The following SLC22A12 variants were observed in gnomAD, a reference collection of about 807,000 sequenced individuals.
The protein encoded by SLC22A12 is organic anion transporter 4-like protein.
Under a neutral mutation model 52.7 loss-of-function variants are expected in SLC22A12, and 56 were observed. The ratio of observed to expected loss-of-function variants is 1.06; its 90% CI spans 0.86 to 1.33. The LOEUF (loss-of-function observed/expected upper bound fraction) is 1.33. SLC22A12 is among the 40% of genes most tolerant of loss of function. The pLI is 0.00. For missense variants in SLC22A12, 683 were observed against 741.5 expected (o/e 0.92, Z 0.92); for synonymous variants, 337 against 324.6 (o/e 1.04, Z -0.41).
rs1165347774 is a variant in SLC22A12 at position 64,599,969 on chromosome 11, G to A, written c.1285+79G>A. The stretch of plus-strand genomic sequence containing the variant: ...GCTGGGAACAGCACCCCTCCTTGGA[G>A]GTGCTGGACTAGAGCAGGTACCCTG... On this transcript the variant is annotated intron_variant, in intron 7 of 9. Transcript: ENST00000377574. 6 of 1,508,554 alleles carry A rather than the reference G, an allele frequency of 4.0e-6. No individual in the cohort carries two copies. The African/African-American group carries it at 5.5e-5, about 14-fold the overall frequency. 93.4% of individuals were successfully genotyped at this position (1,508,554 alleles called of 1,614,324 possible).
chr11:64,597,690 C>T (rs1321966312), intron 4 of SLC22A12, among the ~76,000 whole-genome samples: 1 of 152,246 alleles, frequency 6.6e-6, no homozygotes, highest in African/African-American at 2.4e-5. Context: ...TAGGGGACAA[C>T]ACGTCTGGCT....
rs761677710 is a variant in SLC22A12 at position 64,593,674 on chromosome 11, T to C, written c.701T>C (p.Met234Thr). 2 of 1,614,196 alleles carry C rather than the reference T, an allele frequency of 1.2e-6. No homozygotes were observed. Among genetic ancestry groups the C allele is most frequent in the Non-Finnish European group, 1.7e-6 (2 of 1,180,042 alleles). Residue 234 changes from methionine (M) to threonine (T), a missense_variant, in exon 4 of 10, where the codon ATG becomes ACG. Coordinates refer to ENST00000377574, the MANE Select transcript of SLC22A12 (RefSeq NM_144585.4). ...GCGGCACGGGCCCGACCCTTGGTGA[T>C]GACCTTGAACTCTCTGGGCTTCAGC... is the stretch of plus-strand genomic sequence containing the variant. Reference protein sequence around the residue: ...WTAARARPLVMTLNSLGFSFG... With the variant: ...WTAARARPLVTTLNSLGFSFG...
intron 4 of SLC22A12, among the ~76,000 whole-genome samples, chr11:64,597,135 C>G (rs1264608073): frequency 6.6e-6 from 1 of 152,136 alleles, no homozygotes; most frequent in African/African-American, 2.4e-5. Context: ...TTCTCCCTCC[C>G]AGTCACTTAC....
intron 2 of SLC22A12, 152 bp from the exon 3 acceptor site, chr11:64,593,253 G>A (rs970452030): frequency 5.6e-6 from 7 of 1,243,544 alleles, no homozygotes; most frequent in Admixed American, 1.7e-5. Flanking sequence ...GGAGGGTTCC[G>A]TAGGTGGAGA....
chr11:64,598,769 C>T (rs370999184), intron 5 of SLC22A12, 39 bp from the exon 6 acceptor site: 58 of 1,610,602 alleles, frequency 3.6e-5, no homozygotes, highest in East Asian at 8.9e-5. Flanking sequence ...AGGTGCCTGG[C>T]GCCCCCAGTG....
At chr11:64,597,219 C>A (rs1189908168) in intron 4 of SLC22A12, among the ~76,000 whole-genome samples, 1 of 152,130 alleles carries the variant, frequency 6.6e-6, no homozygotes, top group African/African-American at 2.4e-5. Flanking sequence ...AATGATCTGG[C>A]CACCATCACT....
intron 4 of SLC22A12, 26 bp from the exon 5 acceptor site, chr11:64,598,490 C>A: frequency 5.1e-6 from 8 of 1,557,008 alleles, no homozygotes; most frequent in Non-Finnish European, 6.9e-6. Context: ...CAGGCAATGA[C>A]CCCTCCCACG....
At chr11:64,594,516 AG>A (rs1479532975) in intron 4 of SLC22A12, among the ~76,000 whole-genome samples, 6 of 146,214 alleles carry the variant, frequency 4.1e-5, no homozygotes, top group African/African-American at 1.5e-4. Flanking sequence ...GTAGGTAGGT[AG>A]GTAGGTAGAT....
intron 4 of SLC22A12, among the ~76,000 whole-genome samples, chr11:64,597,707 C>T (rs1565138643): frequency 6.6e-6 from 1 of 152,246 alleles, no homozygotes; most frequent in East Asian, 1.9e-4. Context: ...GGCTGAAGGA[C>T]CTGCAGGAGC....
intron 4 of SLC22A12, among the ~76,000 whole-genome samples, chr11:64,596,049 A>ATGG (rs2039198751): frequency 7.2e-6 from 1 of 138,408 alleles, no homozygotes; most frequent in Non-Finnish European, 1.5e-5. Context: ...GAATAGATGG[A>ATGG]ATGGATAGAT....
At position 64,598,890 on chromosome 11, in the gene SLC22A12, T is replaced by G. The variant is rs2039344023; in HGVS notation, c.1037T>G (p.Leu346Arg). The stretch of plus-strand genomic sequence containing the variant: ...GGCACCCTGCTCCGCATGCCCGGAC[T>G]GCGCTTCCGGACCTGTATCTCCACG... ...SLGTLLRMPGLRFRTCISTLC... is the reference protein window; with the variant it reads ...SLGTLLRMPGRRFRTCISTLC... The change falls in exon 6 of 10, where the codon CTG (leucine) becomes CGG (arginine). Residue 346 changes from leucine (L) to arginine (R), a missense_variant. Coordinates refer to ENST00000377574, the MANE Select transcript of SLC22A12 (RefSeq NM_144585.4). 1 of 1,612,926 alleles carries G rather than the reference T, an allele frequency of 6.2e-7. No individual in the cohort carries two copies. The highest frequency in any genetic ancestry group is 8.5e-7 in the Non-Finnish European group (1 of 1,179,974).
In SLC22A12 at chr11:64,601,970, C is replaced by G. The variant is rs892771303; in HGVS notation, c.*419C>G. ...GGTCAAGACCTCTCCTAGCTCCACA[C>G]AAGCAGTAGAGTCTCAGCTCCACAG... On this transcript the variant is annotated 3_prime_UTR_variant, in exon 10 of 10. Transcript: ENST00000377574. 6.3e-6 allele frequency: 2 copies of G among 317,066 alleles called. No homozygotes were observed. The highest frequency in any genetic ancestry group is 4.1e-5 in the Admixed American group (1 of 24,338). The allele number at this position is 317,066 out of a possible 1,614,324, so 19.6% of individuals were successfully genotyped here. A position where few individuals can be genotyped will look rare whatever the true frequency, so the allele number is the denominator to read the frequency against.
At chr11:64,596,247 A>AATGGATGGATGGATGGG (rs2039217776) in intron 4 of SLC22A12, among the ~76,000 whole-genome samples, 2 of 32,918 alleles carry the variant, frequency 6.1e-5, no homozygotes, top group East Asian at 1.4e-3. Context: ...GGATGGATGG[A>AATGGATGGATGGATGGG]ATGGATGGAT....
At position 64,591,669 on chromosome 11, in the gene SLC22A12, A is replaced by G. The variant is rs1232872287; in HGVS notation, c.113A>G (p.Glu38Gly). ...IMWLCTQSML[E>G]NFSAAVPSHR... is the part of the protein sequence containing the mutation. ...TGGCTGTGTACCCAGAGCATGCTGG[A>G]GAACTTCTCGGCCGCCGTGCCCAGC... The change falls in exon 1 of 10, where the codon GAG becomes GGG. Residue 38 changes from glutamate to glycine, a missense_variant. Transcript: ENST00000377574. 6.2e-7 allele frequency: 1 copy of G among 1,612,940 alleles called. No individual in the cohort carries two copies. Among genetic ancestry groups the G allele is most frequent in the Admixed American group, 1.7e-5 (1 of 60,028 alleles).
chr11:64,594,904 G>GATTGTTGA (rs2039055002), intron 4 of SLC22A12, among the ~76,000 whole-genome samples: 2 of 144,396 alleles, frequency 1.4e-5, no homozygotes, highest in African/African-American at 2.6e-5. Flanking sequence ...TGGATGGATG[G>GATTGTTGA]ATGGAATGGA....
At chr11:64,597,239 T>A (rs1565138349) in intron 4 of SLC22A12, among the ~76,000 whole-genome samples, 4 of 152,098 alleles carry the variant, frequency 2.6e-5, no homozygotes, top group Admixed American at 6.5e-5. Context: ...TTGTGGTACC[T>A]GCTATGTGGC....
At position 64,591,277 on chromosome 11, in the gene SLC22A12, C is replaced by T. The variant is rs1347197929; in HGVS notation, c.-280C>T. ...CCCTACTTTCCAAATTCAGCTTTCC[C>T]GGGAGGTCTGGAGCAGCTGCCTCTC... On this transcript the variant is annotated 5_prime_UTR_variant, in exon 1 of 10. Transcript: ENST00000377574. 8 of 496,174 alleles carry T rather than the reference C, an allele frequency of 1.6e-5. No homozygotes were observed. The highest frequency in any genetic ancestry group is 8.9e-5 in the South Asian group (3 of 33,728). The allele number at this position is 496,174 out of a possible 1,614,324, so 30.7% of individuals were successfully genotyped here.
chr11:64,593,622 G>T lies in SLC22A12; in HGVS notation c.662-13G>T, dbSNP rs375204618. The T allele has an allele frequency of 6.2e-7, 1 of 1,614,176 alleles. No homozygotes were observed. On this transcript the variant is annotated splice_polypyrimidine_tract_variant and intron_variant, in intron 3 of 9. Coordinates refer to ENST00000377574, the MANE Select transcript of SLC22A12 (RefSeq NM_144585.4). The stretch of plus-strand genomic sequence containing the variant: ...TGCAGGCTCCAGGGCTGAACCACTC[G>T]GTCTCCTTGCAGTGATGGAGTGGAC...
At chr11:64,592,067 G>A (rs1366012536) in intron 1 of SLC22A12, 109 bp downstream of exon 1, 8 of 1,493,276 alleles carry the variant, frequency 5.4e-6, no homozygotes, top group Non-Finnish European at 7.2e-6. Flanking sequence ...ACCTCCCCAG[G>A]CCCCACTCAC....
Sources: allele counts gnomAD v4.1 joint callset (sites outside exome capture counted in the v4.1 genomes callset), GRCh38; gene constraint gnomAD v4.1.1; transcripts MANE v1.5; gene names NCBI Gene and HGNC (gene_info 2026-07-23, HGNC 2026-07-21).